Variants in UNC5D observed in about 807,000 individuals in gnomAD.
The protein encoded by UNC5D is unc-5 netrin receptor D.
In UNC5D, 39 loss-of-function variants were observed where a neutral mutation model predicts 105.4. That is an observed-to-expected ratio of 0.37 (90% CI 0.29 to 0.48). UNC5D has a LOEUF of 0.48. Ranked by LOEUF, UNC5D falls within the 20% of genes least tolerant of loss-of-function variation. The pLI, the probability that UNC5D is intolerant of heterozygous loss-of-function variation, is 0.98. For synonymous variants in UNC5D, 452 were observed against 450.4 expected (o/e 1.00, Z -0.04); for missense variants, 991 against 1,202.4 (o/e 0.82, Z 2.60).
At chr8:35,530,353 GA>G (rs1344451572) in intron 1 of UNC5D, among the ~76,000 whole-genome samples, 3 of 86,006 alleles carry the variant, frequency 3.5e-5, no homozygotes, top group African/African-American at 1.5e-4. Flanking sequence ...TACATTTATT[GA>G]TTTGCGTATA....
At chr8:35,364,940 T>C (rs187003843) in intron 1 of UNC5D, among the ~76,000 whole-genome samples, 21 of 152,302 alleles carry the variant, frequency 1.4e-4, no homozygotes, top group African/African-American at 5.1e-4. Flanking sequence ...CTTTTCATCT[T>C]CATAGAGTCA....
chr8:35,407,475 G>T (rs990779175), intron 1 of UNC5D, among the ~76,000 whole-genome samples: 1 of 152,048 alleles, frequency 6.6e-6, no homozygotes, highest in Non-Finnish European at 1.5e-5. Flanking sequence ...GAGGAGTCCC[G>T]GAAGTTGCAC....
chr8:35,296,091 G>A (rs1381681330), intron 1 of UNC5D, among the ~76,000 whole-genome samples: 5 of 152,206 alleles, frequency 3.3e-5, no homozygotes, highest in Non-Finnish European at 5.9e-5. Flanking sequence ...AGTTTTTTCC[G>A]CATATTGGCT....
intron 1 of UNC5D, among the ~76,000 whole-genome samples, chr8:35,348,213 G>A (rs1304310601): frequency 1.3e-5 from 2 of 151,792 alleles, no homozygotes; most frequent in Non-Finnish European, 2.9e-5. Context: ...CATGTCATTA[G>A]TGGTGTTGTT....
intron 16 of UNC5D, among the ~76,000 whole-genome samples, chr8:35,777,016 G>A (rs1294935716): frequency 6.6e-6 from 1 of 152,184 alleles, no homozygotes; most frequent in East Asian, 1.9e-4. Flanking sequence ...AGCACTTTGG[G>A]AGGCCAAGGT....
intron 1 of UNC5D, among the ~76,000 whole-genome samples, chr8:35,406,621 G>T (rs1033460324): frequency 6.6e-6 from 1 of 152,160 alleles, no homozygotes; most frequent in Non-Finnish European, 1.5e-5. Context: ...CGGACTGAGT[G>T]AAGTGTGGGA....
At chr8:35,359,662 T>C (rs1443362705) in intron 1 of UNC5D, among the ~76,000 whole-genome samples, 1 of 152,238 alleles carries the variant, frequency 6.6e-6, no homozygotes, top group Non-Finnish European at 1.5e-5. Flanking sequence ...TTATATATTC[T>C]CTAGCCCCTC....
intron 1 of UNC5D, among the ~76,000 whole-genome samples, chr8:35,408,486 T>C (rs1412303564): frequency 6.7e-6 from 1 of 150,186 alleles, no homozygotes; most frequent in Non-Finnish European, 1.5e-5. Context: ...TGTCATATTA[T>C]GTTAAATGAA....
chr8:35,683,724 T>C lies in UNC5D; in HGVS notation c.748T>C (p.Tyr250His). ...RRSLSATVVVYVNGGWSSWTE... is the reference protein window; with the variant it reads ...RRSLSATVVVHVNGGWSSWTE... The stretch of plus-strand genomic sequence containing the variant: ...AAGCCTGTCGGCCACTGTTGTGGTC[T>C]ACGGTAAGACCATTCCAAAGGCCAG... The change falls in exon 5 of 17, where the codon TAC (tyrosine) becomes CAC (histidine). Residue 250 changes from tyrosine (Y) to histidine (H), a missense_variant. By Grantham distance (83) the Tyr-to-His change is moderately conservative. Around this residue, in one of 3 missense-constraint regions of UNC5D, gnomAD observed 944 missense variants for 1,131.6 expected, o/e 0.83. Transcript: ENST00000404895. 2 of 1,532,742 alleles carry C rather than the reference T, an allele frequency of 1.3e-6. No homozygotes were observed. Among genetic ancestry groups the C allele is most frequent in the Non-Finnish European group, 1.7e-6 (2 of 1,148,656 alleles). 94.9% of individuals were successfully genotyped at this position (1,532,742 alleles called of 1,614,324 possible). A position where few individuals can be genotyped will look rare whatever the true frequency, so the allele number is the denominator to read the frequency against.
intron 1 of UNC5D, among the ~76,000 whole-genome samples, chr8:35,356,527 G>T (rs1162536588): frequency 1.3e-5 from 2 of 152,034 alleles, no homozygotes; most frequent in Admixed American, 1.3e-4. Context: ...TCAGTTTGAG[G>T]TATGACAGCA....
intron 4 of UNC5D, among the ~76,000 whole-genome samples, chr8:35,603,163 G>T (rs1429425159): frequency 6.6e-6 from 1 of 151,776 alleles, no homozygotes; most frequent in African/African-American, 2.4e-5. Flanking sequence ...GATCTTTCCT[G>T]CTTTCTCTTG....
At position 35,676,943 on chromosome 8, in the gene UNC5D, G is replaced by A. The variant is rs117537651; in HGVS notation, c.571-6604G>A. Reference sequence around the variant, plus strand: ...CCTCATAATAAATTTTGTAATATACGGGCCATCATATAAGAATCAAAAAAT... The same window carrying A: ...CCTCATAATAAATTTTGTAATATACAGGCCATCATATAAGAATCAAAAAAT... On this transcript the variant is annotated intron_variant, in intron 4 of 16. Coordinates refer to ENST00000404895, the MANE Select transcript of UNC5D (RefSeq NM_080872.4). 2.3e-3 allele frequency among the ~76,000 whole-genome samples: 345 copies of A among 151,000 alleles called. 4 individuals are homozygous for A. The highest frequency in any genetic ancestry group is 0.016 in the Admixed American group (249 of 15,130).
intron 1 of UNC5D, among the ~76,000 whole-genome samples, chr8:35,318,384 T>C (rs879413372): frequency 6.6e-6 from 1 of 152,044 alleles, no homozygotes; most frequent in Admixed American, 6.6e-5. Context: ...GAGAACATGA[T>C]AAATACATGA....
At chr8:35,623,642 A>G (rs1004393578) in intron 4 of UNC5D, among the ~76,000 whole-genome samples, 10 of 152,188 alleles carry the variant, frequency 6.6e-5, no homozygotes, top group African/African-American at 2.2e-4. Context: ...GGATTAGACA[A>G]GTGTTGCCAA....
At chr8:35,655,760 A>T (rs1307715467) in intron 4 of UNC5D, among the ~76,000 whole-genome samples, 2 of 152,190 alleles carry the variant, frequency 1.3e-5, no homozygotes, top group African/African-American at 2.4e-5. Flanking sequence ...TAAGAAGGGC[A>T]GTCCTTTCAG....
At position 35,542,637 on chromosome 8, in the gene UNC5D, A is replaced by G. The variant is rs542075307; in HGVS notation, c.104-6655A>G. ...AGCTATGTGCCTGGTGTACAGTGTA[A>G]CCATTTCACTGAATGTTTATTGAAT... On this transcript the variant is annotated intron_variant, in intron 1 of 16. Transcript: ENST00000404895. Among the ~76,000 whole-genome samples the G allele has an allele frequency of 4.6e-5, 7 of 152,314 alleles. No homozygotes were observed. The East Asian group carries it at 1.4e-3, about 29-fold the overall frequency.
chr8:35,384,011 C>A (rs975231324), intron 1 of UNC5D, among the ~76,000 whole-genome samples: 1 of 152,042 alleles, frequency 6.6e-6, no homozygotes, highest in Non-Finnish European at 1.5e-5. Flanking sequence ...GTCAGGAGAT[C>A]GAGACCATCC....
intron 4 of UNC5D, among the ~76,000 whole-genome samples, chr8:35,625,156 A>G (rs1441213387): frequency 6.6e-6 from 1 of 152,224 alleles, no homozygotes; most frequent in Non-Finnish European, 1.5e-5. Context: ...ATTCACAAAC[A>G]TAAACTTCCC....
chr8:35,571,865 A>G (rs866687149), intron 3 of UNC5D, among the ~76,000 whole-genome samples: 1 of 152,188 alleles, frequency 6.6e-6, no homozygotes. Context: ...TCTGATGACA[A>G]TCATCTTGAG....
Sources: gnomAD v4.1 joint callset for allele counts (sites outside exome capture counted in the v4.1 genomes callset) on GRCh38, gnomAD v4.1.1 for gene constraint, gnomAD v4.1.1 regional missense constraint, MANE v1.5 for transcripts, NCBI Gene and HGNC (gene_info 2026-07-23, HGNC 2026-07-21) for gene names.